DEPDC5: variants seen among roughly 807,000 people sequenced by gnomAD.
DEPDC5 encodes DEP domain containing 5, GATOR1 subcomplex subunit.
In DEPDC5, 73 loss-of-function variants were observed where a neutral mutation model predicts 217.3. The ratio of observed to expected loss-of-function variants is 0.34; its 90% CI spans 0.28 to 0.41. The LOEUF is 0.41. DEPDC5 is among the 10% of genes least tolerant of loss of function. DEPDC5 has a pLI of 1.00. For missense variants in DEPDC5, 1,675 were observed against 2,070.1 expected (o/e 0.81, Z 3.70); for synonymous variants, 733 against 756.7 (o/e 0.97, Z 0.51).
At position 31,836,962 on chromosome 22, in the gene DEPDC5, C is replaced by A; in HGVS notation, c.2171-10C>A. Reference sequence around the variant, plus strand: ...CCACATGTACCTTTTCCCCCTGTTACGTGAGGCAGTTCTGACACTGTCTGC... The same window carrying A: ...CCACATGTACCTTTTCCCCCTGTTAAGTGAGGCAGTTCTGACACTGTCTGC... On this transcript the variant is annotated splice_polypyrimidine_tract_variant and intron_variant, in intron 25 of 42. Coordinates refer to ENST00000651528, the MANE Select transcript of DEPDC5 (RefSeq NM_001242896.3). 1 of 1,546,150 alleles carries A rather than the reference C, an allele frequency of 6.5e-7. No individual in the cohort carries two copies. The highest frequency in any genetic ancestry group is 8.8e-7 in the Non-Finnish European group (1 of 1,137,292).
intron 20 of DEPDC5, among the ~76,000 whole-genome samples, chr22:31,812,959 C>T (rs1331072167): frequency 1.3e-5 from 2 of 151,996 alleles, no homozygotes; most frequent in South Asian, 2.1e-4. Context: ...AGGCTGGTCT[C>T]GAACTCCCGA....
At chr22:31,822,116 T>C (rs75811745) in intron 23 of DEPDC5, among the ~76,000 whole-genome samples, 5,237 of 152,298 alleles carry the variant, frequency 0.034, 146 homozygotes, top group African/African-American at 0.072. Flanking sequence ...AAACAACTCT[T>C]TTTGAACCAA....
intron 4 of DEPDC5, among the ~76,000 whole-genome samples, chr22:31,764,607 G>C (rs915133089): frequency 6.6e-6 from 1 of 151,984 alleles, no homozygotes; most frequent in Non-Finnish European, 1.5e-5. Context: ...GTAGAGACAG[G>C]GTTTCACCAT....
At chr22:31,895,566 A>C (rs2093534997) in intron 39 of DEPDC5, among the ~76,000 whole-genome samples, 1 of 152,148 alleles carries the variant, frequency 6.6e-6, no homozygotes. Context: ...GCTTCTACTG[A>C]ATCTCGCTTC....
intron 31 of DEPDC5, among the ~76,000 whole-genome samples, chr22:31,853,665 C>T (rs2092143587): frequency 6.6e-6 from 1 of 152,190 alleles, no homozygotes; most frequent in South Asian, 2.1e-4. Context: ...TATCTGTAGG[C>T]ATATACATTT....
Position 31,897,507 on chromosome 22 carries a change from C to G in DEPDC5, c.4229C>G (p.Thr1410Ser). 6.2e-7 allele frequency: 1 copy of G among 1,613,722 alleles called. No homozygotes were observed. The highest frequency in any genetic ancestry group is 1.1e-5 in the South Asian group (1 of 91,044). ...EMVQGWHRKA[T>S]SCGFLLVPVL... Reference sequence around the variant, plus strand: ...GTCCAAGGTTGGCATCGGAAAGCCACCTCCTGTGGCTTCTTGTTAGTCCCA... The same window carrying G: ...GTCCAAGGTTGGCATCGGAAAGCCAGCTCCTGTGGCTTCTTGTTAGTCCCA... The change falls in exon 40 of 43, where the codon ACC (threonine) becomes AGC (serine). Residue 1410 changes from threonine (T) to serine (S), a missense_variant. This residue lies in a region of DEPDC5 where 182 missense variants were observed against 290.1 expected (regional missense o/e 0.63). Transcript: ENST00000651528.
chr22:31,843,073 G>A (rs1273451189), intron 27 of DEPDC5, 22 bp from the exon 28 acceptor site: 2 of 1,569,032 alleles, frequency 1.3e-6, no homozygotes, highest in Non-Finnish European at 1.8e-6. Context: ...ACAGATGGAG[G>A]AAATTATTAT....
chr22:31,896,411 T>C (rs1233705454), intron 39 of DEPDC5, among the ~76,000 whole-genome samples: 1 of 152,220 alleles, frequency 6.6e-6, no homozygotes, highest in Non-Finnish European at 1.5e-5. Flanking sequence ...GGTGGTACCC[T>C]TTAATTTTTT....
intron 33 of DEPDC5, among the ~76,000 whole-genome samples, chr22:31,868,253 T>G (rs1349481216): frequency 6.6e-6 from 1 of 152,118 alleles, no homozygotes; most frequent in Non-Finnish European, 1.5e-5. Context: ...GAGACATTTT[T>G]ATTTGTCATA....
chr22:31,897,366 G>A (rs893364876), intron 39 of DEPDC5, 116 bp from the exon 40 acceptor site: 2 of 1,307,442 alleles, frequency 1.5e-6, no homozygotes, highest in African/African-American at 2.9e-5. Flanking sequence ...ATGAATAAAT[G>A]AGCATGCAAA....
At chr22:31,794,732 A>G (rs562437258) in intron 12 of DEPDC5, among the ~76,000 whole-genome samples, 2 of 152,222 alleles carry the variant, frequency 1.3e-5, no homozygotes, top group African/African-American at 4.8e-5. Flanking sequence ...AAAAAATACC[A>G]TAACTTAGCT....
At chr22:31,815,808 C>A in intron 21 of DEPDC5, 1 of 1,236,260 alleles carries the variant, frequency 8.1e-7, no homozygotes, top group Non-Finnish European at 1.0e-6. Flanking sequence ...AGATTACAGG[C>A]ATGAACCAAT....
In DEPDC5 at chr22:31,857,450, T is replaced by C; in HGVS notation, c.3161T>C (p.Leu1054Pro). The C allele has an allele frequency of 4.4e-6, 7 of 1,605,466 alleles. No homozygotes were observed. The highest frequency in any genetic ancestry group is 6.0e-6 in the Non-Finnish European group (7 of 1,176,102). ...LLEMEASQKC[L>P]GEQQAAVHGG... ...TGTGCTTTTCCTCCTTTCAGGTGCC[T>C]GGGAGAACAGCAGGCAGCTGTGCAT... The change falls in exon 32 of 43, where the codon CTG becomes CCG. Residue 1054 changes from leucine (L) to proline (P), a missense_variant. Around this residue, in one of 11 missense-constraint regions of DEPDC5, gnomAD observed 126 missense variants for 113.8 expected, o/e 1.11. Coordinates refer to ENST00000651528, the MANE Select transcript of DEPDC5 (RefSeq NM_001242896.3).
intron 33 of DEPDC5, among the ~76,000 whole-genome samples, chr22:31,866,891 C>T (rs943637761): frequency 2.0e-5 from 3 of 152,226 alleles, no homozygotes; most frequent in Admixed American, 6.5e-5. Flanking sequence ...ACATCACTGG[C>T]GACGATAATC....
chr22:31,784,157 C>T, intron 9 of DEPDC5, 172 bp downstream of exon 9: 1 of 510,226 alleles, frequency 2.0e-6, no homozygotes, highest in East Asian at 3.4e-5. Flanking sequence ...TAAAGATACA[C>T]TACTTTTTTC....
At chr22:31,819,324 C>T in intron 22 of DEPDC5, 99 bp downstream of exon 22, 1 of 1,299,522 alleles carries the variant, frequency 7.7e-7, no homozygotes, top group South Asian at 1.3e-5. Flanking sequence ...GCCTCTGTTG[C>T]TCCACCTGTA....
At chr22:31,790,834 C>A (rs1055315511) in intron 10 of DEPDC5, among the ~76,000 whole-genome samples, 2 of 151,528 alleles carry the variant, frequency 1.3e-5, no homozygotes, top group South Asian at 2.1e-4. Flanking sequence ...GCAGTCTCCA[C>A]CCCCTGGGTT....
At chr22:31,891,107 C>A in intron 38 of DEPDC5, 1 of 411,164 alleles carries the variant, frequency 2.4e-6, no homozygotes, top group South Asian at 2.3e-5. Context: ...CAATCTAGGT[C>A]AATCTTAAAG....
chr22:31,893,331 T>G (rs1009743354), intron 38 of DEPDC5, among the ~76,000 whole-genome samples: 1 of 152,196 alleles, frequency 6.6e-6, no homozygotes, highest in Non-Finnish European at 1.5e-5. Flanking sequence ...TTGTGGCTGC[T>G]TTTGCACTAC....
Sources: gnomAD v4.1 joint callset for allele counts (sites outside exome capture counted in the v4.1 genomes callset) on GRCh38, gnomAD v4.1.1 for gene constraint, gnomAD v4.1.1 regional missense constraint, MANE v1.5 for transcripts, NCBI Gene and HGNC (gene_info 2026-07-23, HGNC 2026-07-21) for gene names.